STAC3: variants seen among roughly 807,000 people sequenced by gnomAD.
The protein encoded by STAC3 is SH3 and cysteine-rich domain-containing protein 3.
Under a neutral mutation model 48.5 loss-of-function variants are expected in STAC3, and 30 were observed. The ratio of observed to expected loss-of-function variants is 0.62; its 90% CI spans 0.46 to 0.84. STAC3 has a LOEUF of 0.84. STAC3 is among the 40% of genes least tolerant of loss of function. The pLI is 0.00. For synonymous variants in STAC3, 144 were observed against 158.6 expected, an observed-to-expected ratio of 0.91 and a Z score of 0.69; for missense variants, 419 against 462.6, an observed-to-expected ratio of 0.91 and a Z score of 0.86.
chr12:57,250,478 G>A (rs913084849), intron 1 of STAC3, among the ~76,000 whole-genome samples: 8 of 150,192 alleles, frequency 5.3e-5, no homozygotes, highest in African/African-American at 1.2e-4. Flanking sequence ...CTTCCATCCT[G>A]AGGGGCGACC....
At chr12:57,244,855 G>GTGGTGTCAGAGCTGGGTTGGGGAGAGAAC (rs2037693526) in intron 8 of STAC3, 61 bp downstream of exon 8, 1 of 1,580,322 alleles carries the variant, frequency 6.3e-7, no homozygotes, top group Non-Finnish European at 8.7e-7. Flanking sequence ...GCCATGAGTA[G>GTGGTGTCAGAGCTGGGTTGGGGAGAGAAC]TGGTGTCAGA....
intron 7 of STAC3, 24 bp from the exon 8 acceptor site, chr12:57,244,989 T>C (rs757401699): frequency 1.9e-6 from 3 of 1,613,918 alleles, no homozygotes; most frequent in African/African-American, 1.3e-5. Context: ...CACCAACAAA[T>C]TGTCTGTCTC....
At chr12:57,248,269 T>A (rs2037807376) in intron 4 of STAC3, 71 bp from the exon 5 acceptor site, 1 of 1,225,630 alleles carries the variant, frequency 8.2e-7, no homozygotes, top group Non-Finnish European at 1.2e-6. Context: ...CTCCCAGGAG[T>A]GCTCACCCTT....
Position 57,243,483 on chromosome 12 carries a change from T to C in STAC3, c.*329A>G, listed in dbSNP as rs2136819809. 1 of 555,934 alleles carries C rather than the reference T, an allele frequency of 1.8e-6. No homozygotes were observed. The highest frequency in any genetic ancestry group is 3.8e-5 in the East Asian group (1 of 26,576). 34.4% of individuals were successfully genotyped at this position (555,934 alleles called of 1,614,324 possible). A position where few individuals can be genotyped will look rare whatever the true frequency, so the allele number is the denominator to read the frequency against. ...TAAGTTTTGTCAAAAGTTTAATAAA[T>C]TCGCAACATTCGACAGTTCGCCCTC... is the stretch of plus-strand genomic sequence containing the variant. On this transcript the variant is annotated 3_prime_UTR_variant, in exon 12 of 12. Transcript: ENST00000332782.
intron 5 of STAC3, among the ~76,000 whole-genome samples, chr12:57,247,428 A>ATTAT (rs1190820945): frequency 3.5e-3 from 202 of 58,546 alleles, no homozygotes; most frequent in Middle Eastern, 0.013. Context: ...TATTATTATT[A>ATTAT]TTTTTTTTTT....
At position 57,243,707 on chromosome 12, in the gene STAC3, CCCTCCTCTCCCA is replaced by C; in HGVS notation, c.*93_*104del. ...GTCGCGCTCAGGCGGGCCTTCCTAC[CCCTCCTCTCCCA>C]GCAGTCCCGTTGCTTTCGCCCCCCT... On this transcript the variant is annotated 3_prime_UTR_variant, in exon 12 of 12. Transcript: ENST00000332782. The C allele has an allele frequency of 9.2e-7, 1 of 1,086,148 alleles. No homozygotes were observed. Among genetic ancestry groups the C allele is most frequent in the Non-Finnish European group, 1.4e-6 (1 of 721,678 alleles). The allele number at this position is 1,086,148 out of a possible 1,614,324, so 67.3% of individuals were successfully genotyped here.
intron 7 of STAC3, 24 bp downstream of exon 7, chr12:57,245,121 T>G (rs1260175496): frequency 2.5e-6 from 4 of 1,610,694 alleles, no homozygotes; most frequent in Non-Finnish European, 3.4e-6. Context: ...ACTCCATCTC[T>G]GGATGGAGGT....
In STAC3 at chr12:57,246,877, A is replaced by G. The variant is rs1168589894; in HGVS notation, c.530T>C (p.Val177Ala). The change falls in exon 6 of 12, where the codon GTG becomes GCG. Residue 177 changes from valine (V) to alanine (A), a missense_variant. Transcript: ENST00000332782. ...CACCCCAGTGCGCAGGGTTTCAAAC[A>G]CAGGATCATTGCGATTGGCAGCAGC... ...DLSAANRNDP[V>A]FETLRTGVIM... is the part of the protein sequence containing the mutation. 8.7e-6 allele frequency: 14 copies of G among 1,613,958 alleles called. No individual in the cohort carries two copies. The highest frequency in any genetic ancestry group is 2.2e-5 in the South Asian group (2 of 91,084).
intron 5 of STAC3, 63 bp from the exon 6 acceptor site, chr12:57,246,964 G>T: frequency 6.6e-7 from 1 of 1,517,692 alleles, no homozygotes; most frequent in Non-Finnish European, 9.1e-7. Flanking sequence ...TGGAGGAAAG[G>T]AAGGGAGAGG....
chr12:57,249,355 C>T, intron 2 of STAC3, 47 bp from the exon 3 acceptor site: 1 of 1,539,280 alleles, frequency 6.5e-7, no homozygotes, highest in Non-Finnish European at 8.7e-7. Flanking sequence ...GACTTGTCAC[C>T]CTCTCTAGAG....
intron 1 of STAC3, among the ~76,000 whole-genome samples, chr12:57,250,111 C>G (rs117251743): frequency 2.0e-5 from 3 of 151,982 alleles, no homozygotes; most frequent in African/African-American, 7.3e-5. Flanking sequence ...TTAACATGGC[C>G]GGGTGTGGTG....
At chr12:57,246,716 C>T (rs1592245426) in intron 6 of STAC3, 88 bp downstream of exon 6, 2 of 1,237,904 alleles carry the variant, frequency 1.6e-6, no homozygotes, top group East Asian at 2.4e-5. Flanking sequence ...GGAAGACAAT[C>T]CATTACTTCT....
chr12:57,249,509 T>G, intron 2 of STAC3, 62 bp downstream of exon 2: 1 of 1,595,078 alleles, frequency 6.3e-7, no homozygotes, highest in East Asian at 2.2e-5. Flanking sequence ...ATTTAAGCAC[T>G]CTTCTTCAGC....
rs1228562702 is a variant in STAC3 at position 57,243,676 on chromosome 12, A to G, written c.*136T>C. On this transcript the variant is annotated 3_prime_UTR_variant, in exon 12 of 12. Transcript: ENST00000332782. The stretch of plus-strand genomic sequence containing the variant: ...GGGCGAGAACCAGTCCCTTCCCGGA[A>G]GCCCCGTCGCGCTCAGGCGGGCCTT... The G allele has an allele frequency of 3.7e-6, 3 of 811,816 alleles. No individual in the cohort carries two copies. In the African/African-American group the frequency reaches 5.1e-5, roughly 14 times the overall value. 50.3% of individuals were successfully genotyped at this position (811,816 alleles called of 1,614,324 possible). A position where few individuals can be genotyped will look rare whatever the true frequency, so the allele number is the denominator to read the frequency against.
At position 57,245,101 on chromosome 12, in the gene STAC3, C is replaced by G. The variant is rs371698268; in HGVS notation, c.670+44G>C. On this transcript the variant is annotated intron_variant, in intron 7 of 11. Coordinates refer to ENST00000332782, the MANE Select transcript of STAC3 (RefSeq NM_145064.3). ...TCCACCCTCTGTTCCACAGCTGAGC[C>G]TCTGATCCTACTCCATCTCTGGATG... 3 of 1,611,518 alleles carry G rather than the reference C, an allele frequency of 1.9e-6. No individual in the cohort carries two copies. In the African/African-American group the frequency reaches 4.0e-5, roughly 22 times the overall value.
Position 57,249,322 on chromosome 12 carries a change from T to A in STAC3, c.67-14A>T. The A allele has an allele frequency of 6.4e-7, 1 of 1,560,372 alleles. No individual in the cohort carries two copies. On this transcript the variant is annotated splice_polypyrimidine_tract_variant and intron_variant, in intron 2 of 11. Coordinates refer to ENST00000332782, the MANE Select transcript of STAC3 (RefSeq NM_145064.3). ...TAGCCGCTGTAGCTGAGGGAGGGAG[T>A]GAAGAAAACCCAATGTTAAAAGGAC...
rs758788446 is a variant in STAC3 at position 57,245,185 on chromosome 12, C to A, written c.630G>T (p.Glu210Asp). Reference protein sequence around the residue: ...KNPVAAMMEEEPESARPEEGK... With the variant: ...KNPVAAMMEEDPESARPEEGK... ...CTTCCTCTGGTCTGGCCGACTCTGG[C>A]TCCTCCTCCATCATGGCTGCTACAG... Residue 210 changes from glutamate to aspartate, a missense_variant, in exon 7 of 12, where the codon GAG becomes GAT. Physicochemically the swap from Glu to Asp is conservative, Grantham distance 45. Coordinates refer to ENST00000332782, the MANE Select transcript of STAC3 (RefSeq NM_145064.3). The A allele has an allele frequency of 1.9e-6, 3 of 1,614,020 alleles. No homozygotes were observed. Among genetic ancestry groups the A allele is most frequent in the African/African-American group, 2.7e-5 (2 of 74,908 alleles).
rs1165165283 is a variant in STAC3 at position 57,245,217 on chromosome 12, G to C, written c.604-6C>G. On this transcript the variant is annotated splice_region_variant and splice_polypyrimidine_tract_variant and intron_variant, in intron 6 of 11. Transcript: ENST00000332782. ...TCCATCATGGCTGCTACAGGCTGGA[G>C]GGGGCACCAGAGTTAGGGAGACGCT... is the stretch of plus-strand genomic sequence containing the variant. 1.2e-6 allele frequency: 2 copies of C among 1,613,966 alleles called. No homozygotes were observed. The highest frequency in any genetic ancestry group is 1.7e-5 in the Admixed American group (1 of 60,006).
chr12:57,248,489 C>T, intron 4 of STAC3: 1 of 596,312 alleles, frequency 1.7e-6, no homozygotes, highest in Non-Finnish European at 3.0e-6. Flanking sequence ...CGCCATTCTC[C>T]TGCCTCAGCC....
Sources: allele counts gnomAD v4.1 joint callset (sites outside exome capture counted in the v4.1 genomes callset), GRCh38; gene constraint gnomAD v4.1.1; transcripts MANE v1.5; gene names NCBI Gene and HGNC (gene_info 2026-07-23, HGNC 2026-07-21).